The following UNC79 variants were observed in gnomAD, a reference collection of about 807,000 sequenced individuals.
UNC79 encodes protein unc-79 homolog.
UNC79 carries 37 observed loss-of-function variants against 283.1 expected under a neutral mutation model. The ratio of observed to expected loss-of-function variants is 0.13; its 90% CI spans 0.10 to 0.17. The LOEUF (loss-of-function observed/expected upper bound fraction) is 0.17, where lower values mean the gene tolerates loss of function less well. Ranked by LOEUF, UNC79 falls within the 10% of genes least tolerant of loss-of-function variation. The pLI, the probability that UNC79 is intolerant of heterozygous loss-of-function variation, is 1.00. For missense variants in UNC79, 2,272 were observed against 3,211.1 expected (o/e 0.71, Z 7.07); for synonymous variants, 1,107 against 1,200.2 (o/e 0.92, Z 1.61).
intron 1 of UNC79, among the ~76,000 whole-genome samples, chr14:93,387,234 A>G (rs1433082364): frequency 6.6e-6 from 1 of 151,750 alleles, no homozygotes; most frequent in East Asian, 1.9e-4. Context: ...TGTGCCACTG[A>G]GCCCAGCCTC....
At chr14:93,440,116 C>T (rs574392218) in intron 1 of UNC79, among the ~76,000 whole-genome samples, 39 of 151,806 alleles carry the variant, frequency 2.6e-4, no homozygotes, top group African/African-American at 6.3e-4. Flanking sequence ...ATATTTTATT[C>T]GGTATTATAA....
intron 1 of UNC79, among the ~76,000 whole-genome samples, chr14:93,432,506 T>C (rs1392194524): frequency 6.6e-6 from 1 of 152,230 alleles, no homozygotes; most frequent in East Asian, 1.9e-4. Flanking sequence ...ACATAGAATG[T>C]ACTCAATAAA....
intron 7 of UNC79, among the ~76,000 whole-genome samples, chr14:93,509,932 TC>T: frequency 6.6e-6 from 1 of 152,308 alleles, no homozygotes; most frequent in Non-Finnish European, 1.5e-5. Flanking sequence ...CCGTGAACGC[TC>T]TATCCCTGCA....
chr14:93,476,408 G>A (rs936403982), intron 3 of UNC79, among the ~76,000 whole-genome samples: 13 of 152,176 alleles, frequency 8.5e-5, no homozygotes, highest in Admixed American at 1.3e-4. Context: ...GAGCTGAGGT[G>A]TCTTGTATGC....
intron 5 of UNC79, among the ~76,000 whole-genome samples, chr14:93,494,796 G>C (rs1254111010): frequency 6.6e-6 from 1 of 152,180 alleles, no homozygotes; most frequent in African/African-American, 2.4e-5. Context: ...GATGTCTTTG[G>C]CTGACAGAGG....
intron 1 of UNC79, chr14:93,347,460 G>C: frequency 2.2e-6 from 3 of 1,383,992 alleles, no homozygotes; most frequent in Non-Finnish European, 2.8e-6. Context: ...GCCCCGACGG[G>C]TGGGGAGAAG....
At chr14:93,657,518 A>AT (rs11419877) in intron 38 of UNC79, among the ~76,000 whole-genome samples, 106,213 of 151,452 alleles carry the variant, frequency 0.7, 37,864 homozygotes, top group Middle Eastern at 0.76. Flanking sequence ...TGCCCAGCTA[A>AT]TTTTTTGTAT....
chr14:93,490,963 C>A (rs557791992), intron 5 of UNC79, among the ~76,000 whole-genome samples: 15 of 152,284 alleles, frequency 9.9e-5, no homozygotes, highest in African/African-American at 3.6e-4. Context: ...AACAAAAATT[C>A]TATAAACTGG....
intron 1 of UNC79, chr14:93,466,771 A>G (rs2057202099): frequency 1.2e-6 from 1 of 816,264 alleles, no homozygotes; most frequent in African/African-American, 1.9e-5. Flanking sequence ...TCTGTGGAAG[A>G]GGAGACCAGA....
intron 8 of UNC79, among the ~76,000 whole-genome samples, chr14:93,526,454 T>C (rs2060554258): frequency 1.3e-5 from 2 of 152,224 alleles, no homozygotes; most frequent in East Asian, 1.9e-4. Flanking sequence ...ATACTTATCA[T>C]GGTGAAAAAC....
At chr14:93,389,523 G>A (rs530186943) in intron 1 of UNC79, among the ~76,000 whole-genome samples, 1 of 152,270 alleles carries the variant, frequency 6.6e-6, no homozygotes, top group South Asian at 2.1e-4. Context: ...CTGAATTGAG[G>A]AGACAGAGGT....
intron 32 of UNC79, among the ~76,000 whole-genome samples, chr14:93,640,111 C>G (rs2068885755): frequency 6.6e-6 from 1 of 152,154 alleles, no homozygotes. Context: ...TTTCATGAGA[C>G]TCTGTCTTGC....
intron 47 of UNC79, among the ~76,000 whole-genome samples, chr14:93,695,890 CAAAAAAAAAAA>C (rs535235954): frequency 2.5e-5 from 1 of 39,440 alleles, no homozygotes; most frequent in East Asian, 7.2e-4. Flanking sequence ...GACTTTGTCT[CAAAAAAAAAAA>C]AAAAAAAAAG....
intron 14 of UNC79, among the ~76,000 whole-genome samples, chr14:93,548,782 GA>G (rs2061729497): frequency 1.3e-5 from 2 of 152,132 alleles, no homozygotes; most frequent in South Asian, 4.1e-4. Flanking sequence ...TACATTACTT[GA>G]ATACTTTGCA....
At chr14:93,429,249 C>A (rs552965001), upstream of UNC79, among the ~76,000 whole-genome samples, 1 of 152,334 alleles carries the variant, frequency 6.6e-6, no homozygotes, top group South Asian at 2.1e-4. Context: ...TCTTTGGCAT[C>A]ATGCTTCACA....
intron 47 of UNC79, among the ~76,000 whole-genome samples, chr14:93,698,364 T>G (rs1481276168): frequency 3.3e-5 from 5 of 152,148 alleles, no homozygotes; most frequent in Non-Finnish European, 7.3e-5. Context: ...GCTTAATGTA[T>G]TATGAAGCTC....
chr14:93,446,011 C>T (rs1242397073), intron 1 of UNC79, among the ~76,000 whole-genome samples: 1 of 152,054 alleles, frequency 6.6e-6, no homozygotes, highest in Non-Finnish European at 1.5e-5. Context: ...ATTTATGTCT[C>T]TTTTTTTCCT....
In UNC79 at chr14:93,599,549, T is replaced by C. The variant is rs79946528; in HGVS notation, c.3373-1020T>C. On this transcript the variant is annotated intron_variant, in intron 24 of 48. Coordinates refer to ENST00000555664, the Ensembl canonical transcript of UNC79. Reference sequence around the variant, plus strand: ...CCAGTTGACTTCTGAATAGTTCTTCTCTGTTGATCTTACCAGGTACTTCTA... The same window carrying C: ...CCAGTTGACTTCTGAATAGTTCTTCCCTGTTGATCTTACCAGGTACTTCTA... Among the ~76,000 whole-genome samples, 957 of 152,350 alleles carry C rather than the reference T, an allele frequency of 6.3e-3. 7 individuals are homozygous for C. Among genetic ancestry groups the C allele is most frequent in the African/African-American group, 0.022 (916 of 41,580 alleles).
chr14:93,653,322 C>CATATATAT (rs60148384), intron 35 of UNC79, among the ~76,000 whole-genome samples: 3,679 of 148,286 alleles, frequency 0.025, 58 homozygotes, highest in Non-Finnish European at 0.036. Context: ...TCTCTCACTG[C>CATATATAT]ATATATATAT....
Sources: gnomAD v4.1 joint callset for allele counts (sites outside exome capture counted in the v4.1 genomes callset) on GRCh38, gnomAD v4.1.1 for gene constraint, MANE v1.5 for transcripts, NCBI Gene and HGNC (gene_info 2026-07-23, HGNC 2026-07-21) for gene names.